The following BNC2 variants were observed in gnomAD, a reference collection of about 807,000 sequenced individuals.
BNC2 encodes zinc finger protein basonuclin-2.
A neutral mutation model predicts 76.3 loss-of-function variants in BNC2; 20 were observed. The ratio of observed to expected loss-of-function variants is 0.26; its 90% CI spans 0.18 to 0.38. The LOEUF (loss-of-function observed/expected upper bound fraction) is 0.38, where lower values mean the gene tolerates loss of function less well. BNC2 is among the 10% of genes least tolerant of loss of function. BNC2 has a pLI of 1.00. For synonymous variants in BNC2, 582 were observed against 514.8 expected (o/e 1.13, Z -1.77); for missense variants, 1,382 against 1,399.8 (o/e 0.99, Z 0.20).
chr9:16,695,361 C>A (rs1240160676), intron 3 of BNC2, among the ~76,000 whole-genome samples: 1 of 151,920 alleles, frequency 6.6e-6, no homozygotes, highest in African/African-American at 2.4e-5. Context: ...CAGTGATGTG[C>A]ATTTGTGACT....
intron 1 of BNC2, among the ~76,000 whole-genome samples, chr9:16,862,319 T>C (rs960833181): frequency 3.3e-5 from 5 of 152,360 alleles, no homozygotes; most frequent in Admixed American, 6.5e-5. Context: ...AATATTAATG[T>C]ACATTTTAAG....
intron 1 of BNC2, among the ~76,000 whole-genome samples, chr9:16,777,287 G>A (rs1825995530): frequency 2.0e-5 from 3 of 151,774 alleles, no homozygotes; most frequent in African/African-American, 7.3e-5. Context: ...CAGATGAAGA[G>A]CAAAAAGGAG....
intron 5 of BNC2, among the ~76,000 whole-genome samples, chr9:16,443,894 C>T (rs1821179120): frequency 6.6e-6 from 1 of 152,160 alleles, no homozygotes; most frequent in Non-Finnish European, 1.5e-5. Context: ...TGTTGTACAC[C>T]ATGATTGTGC....
intron 3 of BNC2, among the ~76,000 whole-genome samples, chr9:16,595,175 A>C (rs1297128242): frequency 1.3e-5 from 2 of 152,166 alleles, no homozygotes; most frequent in African/African-American, 4.8e-5. Context: ...TTTATTCTAC[A>C]GCATTTTACT....
intron 1 of BNC2, among the ~76,000 whole-genome samples, chr9:16,770,906 C>T (rs917241738): frequency 6.6e-6 from 1 of 152,052 alleles, no homozygotes; most frequent in Non-Finnish European, 1.5e-5. Context: ...CTCGGTGGCT[C>T]ACGCCTATAA....
intron 5 of BNC2, among the ~76,000 whole-genome samples, chr9:16,504,330 T>C (rs886560894): frequency 7.9e-6 from 1 of 126,912 alleles, no homozygotes; most frequent in Admixed American, 8.0e-5. Flanking sequence ...AATGAATACA[T>C]GTATTAATAC....
At chr9:16,430,981 G>A (rs1311977155) in intron 6 of BNC2, among the ~76,000 whole-genome samples, 1 of 152,114 alleles carries the variant, frequency 6.6e-6, no homozygotes, top group Non-Finnish European at 1.5e-5. Flanking sequence ...TCTACAACTT[G>A]AAGATCAAGC....
chr9:16,760,966 GGT>G, intron 1 of BNC2, among the ~76,000 whole-genome samples: 1 of 152,252 alleles, frequency 6.6e-6, no homozygotes, highest in Admixed American at 6.5e-5. Flanking sequence ...TTCAGGGCCA[GGT>G]GCAATGGCTC....
intron 3 of BNC2, among the ~76,000 whole-genome samples, chr9:16,710,992 G>A (rs986123236): frequency 6.6e-6 from 1 of 152,164 alleles, no homozygotes; most frequent in Non-Finnish European, 1.5e-5. Flanking sequence ...CTGTTCGCGT[G>A]TCATGTGTAG....
intron 5 of BNC2, among the ~76,000 whole-genome samples, chr9:16,457,291 G>A (rs549809737): frequency 6.6e-6 from 1 of 152,246 alleles, no homozygotes; most frequent in Non-Finnish European, 1.5e-5. Flanking sequence ...GGAATCTTAT[G>A]TAAGTTAGTT....
intron 5 of BNC2, among the ~76,000 whole-genome samples, chr9:16,453,513 T>G (rs1473639004): frequency 6.6e-6 from 1 of 152,194 alleles, no homozygotes; most frequent in African/African-American, 2.4e-5. Flanking sequence ...ATGGCTCACA[T>G]TACATCCTAA....
At chr9:16,840,611 G>C (rs572696227) in intron 1 of BNC2, among the ~76,000 whole-genome samples, 198 of 152,244 alleles carry the variant, frequency 1.3e-3, no homozygotes, top group African/African-American at 4.6e-3. Flanking sequence ...TTGTCACTAA[G>C]ACTCAAGAAC....
At position 16,663,130 on chromosome 9, in the gene BNC2, C is replaced by CTTTTTTTTTTTTTTTTTTTTTTTTTTT. The variant is rs71325979; in HGVS notation, c.330+64666_330+64667insAAAAAAAAAAAAAAAAAAAAAAAAAAA. ...CCATAGGCACTCCACTCTGTTTACT[C>CTTTTTTTTTTTTTTTTTTTTTTTTTTT]TTTTTTTTTTTTTTTTGGAGACGGA... On this transcript the variant is annotated intron_variant, in intron 3 of 6. Transcript: ENST00000380672. 1.1e-4 allele frequency among the ~76,000 whole-genome samples: 11 copies of CTTTTTTTTTTTTTTTTTTTTTTTTTTT among 99,610 alleles called. 1 individual carries two copies. Among genetic ancestry groups the CTTTTTTTTTTTTTTTTTTTTTTTTTTT allele is most frequent in the African/African-American group, 3.9e-4 (11 of 27,942 alleles). The allele number at this position is 99,610 out of a possible 152,430, so 65.3% of individuals were successfully genotyped here.
At chr9:16,769,722 T>A (rs1414790998) in intron 1 of BNC2, among the ~76,000 whole-genome samples, 1 of 152,034 alleles carries the variant, frequency 6.6e-6, no homozygotes, top group Non-Finnish European at 1.5e-5. Context: ...AAAGAGCAAA[T>A]GATGATGGAT....
chr9:16,524,738 T>C (rs1817739788), intron 5 of BNC2, among the ~76,000 whole-genome samples: 1 of 152,142 alleles, frequency 6.6e-6, no homozygotes, highest in South Asian at 2.1e-4. Flanking sequence ...ATTTATTACC[T>C]TAAGAAAATA....
intron 5 of BNC2, among the ~76,000 whole-genome samples, chr9:16,496,613 T>A (rs1012290655): frequency 1.3e-5 from 2 of 152,220 alleles, no homozygotes; most frequent in African/African-American, 2.4e-5. Flanking sequence ...AATAAGATGA[T>A]TAAGCAATGC....
intron 3 of BNC2, among the ~76,000 whole-genome samples, chr9:16,647,852 T>C (rs1296876662): frequency 1.3e-5 from 2 of 152,210 alleles, no homozygotes; most frequent in African/African-American, 4.8e-5. Context: ...AGTTCACTTG[T>C]GGATTAGCTA....
chr9:16,783,029 CT>C (rs1364626893), intron 1 of BNC2, among the ~76,000 whole-genome samples: 1 of 152,110 alleles, frequency 6.6e-6, no homozygotes, highest in African/African-American at 2.4e-5. Context: ...GGTCTTAATG[CT>C]GCTTGTGTTT....
At chr9:16,752,649 C>CTT (rs1825255009) in intron 1 of BNC2, among the ~76,000 whole-genome samples, 1 of 37,924 alleles carries the variant, frequency 2.6e-5, no homozygotes, top group Non-Finnish European at 8.9e-5. Flanking sequence ...ACAAAATAAT[C>CTT]TGTATAGTTT....
Sources: allele counts gnomAD v4.1 joint callset (sites outside exome capture counted in the v4.1 genomes callset), GRCh38; gene constraint gnomAD v4.1.1; transcripts MANE v1.5; gene names NCBI Gene and HGNC (gene_info 2026-07-23, HGNC 2026-07-21).